The following ERBB4 variants were observed in gnomAD, a reference collection of about 807,000 sequenced individuals.
ERBB4 encodes erb-b2 receptor tyrosine kinase 4, also known as receptor tyrosine-protein kinase erbB-4.
In ERBB4, 42 loss-of-function variants were observed where a neutral mutation model predicts 158.0. The ratio of observed to expected loss-of-function variants is 0.27; its 90% CI spans 0.21 to 0.34. The LOEUF is 0.34. Among genes scored for constraint, ERBB4 ranks in the 10% least tolerant of loss-of-function variants. ERBB4 has a pLI of 1.00. For synonymous variants in ERBB4, 583 were observed against 558.7 expected, an observed-to-expected ratio of 1.04 and a Z score of -0.61; for missense variants, 1,333 against 1,624.1, an observed-to-expected ratio of 0.82 and a Z score of 3.08.
At chr2:212,085,443 A>G (rs1262406679) in intron 2 of ERBB4, among the ~76,000 whole-genome samples, 1 of 151,896 alleles carries the variant, frequency 6.6e-6, no homozygotes, top group Admixed American at 6.6e-5. Context: ...TTGATAATAG[A>G]TGGCAATTAG....
intron 20 of ERBB4, among the ~76,000 whole-genome samples, chr2:211,473,841 T>A (rs2064889583): frequency 6.6e-6 from 1 of 151,940 alleles, no homozygotes; most frequent in African/African-American, 2.4e-5. Flanking sequence ...TCTGAGCGAG[T>A]AAGATGGTAT....
At chr2:212,292,110 C>A (rs1163034949) in intron 1 of ERBB4, among the ~76,000 whole-genome samples, 1 of 151,806 alleles carries the variant, frequency 6.6e-6, no homozygotes, top group Non-Finnish European at 1.5e-5. Context: ...AAAACTGAAA[C>A]AATTTTTAAG....
intron 1 of ERBB4, among the ~76,000 whole-genome samples, chr2:212,265,344 G>A (rs1447872978): frequency 2.6e-5 from 4 of 152,074 alleles, no homozygotes; most frequent in African/African-American, 7.2e-5. Context: ...CATCAAGAAG[G>A]TGAATTATTG....
chr2:211,767,774 C>T (rs2075588736), intron 4 of ERBB4, among the ~76,000 whole-genome samples: 1 of 152,154 alleles, frequency 6.6e-6, no homozygotes, highest in Non-Finnish European at 1.5e-5. Flanking sequence ...TGGGTCCCTC[C>T]TATAACACAC....
In ERBB4 at chr2:212,177,896, A is replaced by G. The variant is rs181694274; in HGVS notation, c.83-52993T>C. Among the ~76,000 whole-genome samples the G allele has an allele frequency of 9.9e-5, 15 of 151,900 alleles. No homozygotes were observed. The East Asian group carries it at 2.9e-3, about 29-fold the overall frequency. ...TCATGGAGGATAAAGCACTTAAGCT[A>G]AGTTCTGAATGATGAAATCAAGTTA... On this transcript the variant is annotated intron_variant, in intron 1 of 27. Coordinates refer to ENST00000342788, the MANE Select transcript of ERBB4 (RefSeq NM_005235.3).
intron 12 of ERBB4, among the ~76,000 whole-genome samples, chr2:211,683,028 T>C (rs1353358029): frequency 6.6e-6 from 1 of 151,708 alleles, no homozygotes; most frequent in African/African-American, 2.4e-5. Context: ...TATGTTTTTC[T>C]GCATATGTGG....
At chr2:211,904,222 T>C (rs1045184741) in intron 3 of ERBB4, among the ~76,000 whole-genome samples, 1 of 152,046 alleles carries the variant, frequency 6.6e-6, no homozygotes, top group Non-Finnish European at 1.5e-5. Flanking sequence ...CACATAAACA[T>C]GCACACAGAG....
chr2:211,946,805 C>A (rs1351362558), intron 3 of ERBB4, among the ~76,000 whole-genome samples: 1 of 151,608 alleles, frequency 6.6e-6, no homozygotes. Flanking sequence ...AACCAGCTTA[C>A]AAAATAAATT....
chr2:212,175,067 C>G (rs1419339316), intron 1 of ERBB4, among the ~76,000 whole-genome samples: 1 of 151,954 alleles, frequency 6.6e-6, no homozygotes, highest in African/African-American at 2.4e-5. Context: ...TTTGTCTGAA[C>G]GTTTCTTATT....
At chr2:212,451,652 CAAAT>C (rs757462401) in intron 1 of ERBB4, among the ~76,000 whole-genome samples, 16 of 152,128 alleles carry the variant, frequency 1.1e-4, no homozygotes, top group Admixed American at 8.5e-4. Context: ...CAGTGCTACA[CAAAT>C]AAATTATAGC....
At chr2:212,282,036 A>G (rs1257001336) in intron 1 of ERBB4, among the ~76,000 whole-genome samples, 1 of 151,890 alleles carries the variant, frequency 6.6e-6, no homozygotes, top group Non-Finnish European at 1.5e-5. Context: ...CCAACATTGC[A>G]ATGAACAATT....
At chr2:211,958,029 T>C (rs2081078878) in intron 2 of ERBB4, among the ~76,000 whole-genome samples, 1 of 152,108 alleles carries the variant, frequency 6.6e-6, no homozygotes, top group Non-Finnish European at 1.5e-5. Flanking sequence ...ACTAGTCTGT[T>C]GTTATTTTTA....
chr2:212,496,512 A>G (rs1044822210), intron 1 of ERBB4, among the ~76,000 whole-genome samples: 2 of 152,192 alleles, frequency 1.3e-5, no homozygotes, highest in Admixed American at 1.3e-4. Flanking sequence ...ACATCTGGCA[A>G]CCCAAAATTC....
chr2:211,859,203 G>A (rs2077952436), intron 3 of ERBB4, among the ~76,000 whole-genome samples: 2 of 152,116 alleles, frequency 1.3e-5, no homozygotes, highest in African/African-American at 4.8e-5. Context: ...TAGTTATTCA[G>A]CAATCAATGA....
intron 2 of ERBB4, among the ~76,000 whole-genome samples, chr2:212,031,690 C>T (rs2076906499): frequency 6.6e-6 from 1 of 152,060 alleles, no homozygotes; most frequent in African/African-American, 2.4e-5. Context: ...CTTTCACTTT[C>T]AAAAGTGTCC....
At chr2:211,736,055 T>C (rs2074588563) in intron 5 of ERBB4, among the ~76,000 whole-genome samples, 1 of 151,682 alleles carries the variant, frequency 6.6e-6, no homozygotes, top group South Asian at 2.1e-4. Flanking sequence ...CCTAGCTGCT[T>C]GGGAGGCTGA....
chr2:211,709,256 T>TACATATATATATAC (rs1553615178), intron 9 of ERBB4, among the ~76,000 whole-genome samples: 1 of 71,168 alleles, frequency 1.4e-5, no homozygotes, highest in Non-Finnish European at 2.6e-5. Flanking sequence ...TATATACACA[T>TACATATATATATAC]ATATATATAT....
chr2:212,005,123 A>C (rs2076229155), intron 2 of ERBB4, among the ~76,000 whole-genome samples: 1 of 152,202 alleles, frequency 6.6e-6, no homozygotes, highest in East Asian at 1.9e-4. Context: ...CACAATATAC[A>C]TCAACATATA....
chr2:211,886,895 C>T (rs2078815863), intron 3 of ERBB4, among the ~76,000 whole-genome samples: 1 of 152,210 alleles, frequency 6.6e-6, no homozygotes, highest in South Asian at 2.1e-4. Context: ...AGAACTGATA[C>T]ACTTGATGTG....
Sources: allele counts gnomAD v4.1 joint callset (sites outside exome capture counted in the v4.1 genomes callset), GRCh38; gene constraint gnomAD v4.1.1; transcripts MANE v1.5; gene names NCBI Gene and HGNC (gene_info 2026-07-23, HGNC 2026-07-21).